Variants in D2HGDH observed in about 807,000 individuals in gnomAD.
The protein encoded by D2HGDH is D-2-hydroxyglutarate dehydrogenase.
A neutral mutation model predicts 46.9 loss-of-function variants in D2HGDH; 31 were observed. The ratio of observed to expected loss-of-function variants is 0.66; its 90% CI spans 0.50 to 0.89. The LOEUF is 0.89. Among genes scored for constraint, D2HGDH ranks in the 40% least tolerant of loss-of-function variants. The probability of loss-of-function intolerance (pLI) is 0.00; values close to 1 mark genes in which losing one functional copy is unlikely to be tolerated. For missense variants in D2HGDH, 698 were observed against 720.8 expected, an observed-to-expected ratio of 0.97 and a Z score of 0.36; for synonymous variants, 364 against 332.6, an observed-to-expected ratio of 1.09 and a Z score of -1.03.
At position 241,742,787 on chromosome 2, in the gene D2HGDH, C is replaced by T. The variant is rs1436848848; in HGVS notation, c.490+213C>T. 6.6e-6 allele frequency among the ~76,000 whole-genome samples: 1 copy of T among 152,226 alleles called. No individual in the cohort carries two copies. The highest frequency in any genetic ancestry group is 1.5e-5 in the Non-Finnish European group (1 of 68,030). ...CTGGTGAGGGCTTGTCATTCTGGTC[C>T]CTTCCGACTCCATCCCGCTCTAGAG... is the stretch of plus-strand genomic sequence containing the variant. On this transcript the variant is annotated intron_variant, in intron 4 of 9. Transcript: ENST00000321264. The surrounding 1 kb of genome is among the most constrained non-coding windows in gnomAD (Gnocchi z 4.8).
chr2:241,755,147 C>T lies in D2HGDH; in HGVS notation c.1141-702C>T, dbSNP rs555525560. On this transcript the variant is annotated intron_variant, in intron 8 of 9. Transcript: ENST00000321264. ...CCGGTTCTGCTTCAGCCACCAGCAC[C>T]GTCTGCTCCTCCTCAGAATCCTTCC... 9.7e-5 allele frequency: 126 copies of T among 1,304,018 alleles called. No individual in the cohort carries two copies. In the African/African-American group the frequency reaches 1.4e-3, roughly 15 times the overall value. The allele number at this position is 1,304,018 out of a possible 1,614,324, so 80.8% of individuals were successfully genotyped here. A position where few individuals can be genotyped will look rare whatever the true frequency, so the allele number is the denominator to read the frequency against.
At chr2:241,754,034 C>T (rs777109798) in intron 8 of D2HGDH, among the ~76,000 whole-genome samples, 2 of 152,186 alleles carry the variant, frequency 1.3e-5, no homozygotes, top group Non-Finnish European at 2.9e-5. Flanking sequence ...ACGTCTGGTG[C>T]AGGAGCACCA....
chr2:241,751,132 T>G lies in D2HGDH; in HGVS notation c.998-114T>G, dbSNP rs1006886119. The G allele has an allele frequency of 4.1e-6, 6 of 1,464,444 alleles. No individual in the cohort carries two copies. The African/African-American group carries it at 8.4e-5, about 20-fold the overall frequency. The allele number at this position is 1,464,444 out of a possible 1,614,324, so 90.7% of individuals were successfully genotyped here. On this transcript the variant is annotated intron_variant, in intron 7 of 9. Transcript: ENST00000321264. ...GTGCTCCGCAGGCTGCCTGGGTCCT[T>G]CTTGGCCACGAAAGATCAGTGGTTG...
chr2:241,749,110 C>T (rs1257231098), intron 6 of D2HGDH: 18 of 938,296 alleles, frequency 1.9e-5, no homozygotes, highest in African/African-American at 7.3e-5. Context: ...GGGCGACTTC[C>T]GACGAGGCAC....
chr2:241,755,521 G>A (rs1157302928), intron 8 of D2HGDH: 73 of 1,367,032 alleles, frequency 5.3e-5, no homozygotes, highest in Non-Finnish European at 6.9e-5. Context: ...CCTTCTGTGA[G>A]GTGTCCCAGC....
chr2:241,736,489 G>A (rs1692862272), intron 2 of D2HGDH, among the ~76,000 whole-genome samples: 1 of 152,104 alleles, frequency 6.6e-6, no homozygotes, highest in Non-Finnish European at 1.5e-5. Flanking sequence ...AGCTCCTGGT[G>A]GCCCCAGGTA....
At chr2:241,764,993 C>CTGGGGGCTCAGTG (rs1489554941) in intron 9 of D2HGDH, among the ~76,000 whole-genome samples, 2 of 152,212 alleles carry the variant, frequency 1.3e-5, no homozygotes, top group African/African-American at 4.8e-5. Context: ...AGCTGCTGCC[C>CTGGGGGCTCAGTG]TGGGGGCTCA....
At position 241,750,406 on chromosome 2, in the gene D2HGDH, T is replaced by TG. The variant is rs1319801451; in HGVS notation, c.997+118dup. On this transcript the variant is annotated intron_variant, in intron 7 of 9. Coordinates refer to ENST00000321264, the MANE Select transcript of D2HGDH (RefSeq NM_152783.5). ...GGCGGGGGGTGCCCGGGCGGGCGGG[T>TG]GGGGGGTCCCTGGGCGGAGCATGGA... 89 of 176,242 alleles carry TG rather than the reference T, an allele frequency of 5.0e-4. 1 individual carries two copies. The East Asian group carries it at 0.01, about 20-fold the overall frequency. 10.9% of individuals were successfully genotyped at this position (176,242 alleles called of 1,614,324 possible). A position where few individuals can be genotyped will look rare whatever the true frequency, so the allele number is the denominator to read the frequency against.
rs1575353269 is a variant in D2HGDH at position 241,768,029 on chromosome 2, G to A, written c.*60G>A. The A allele has an allele frequency of 2.0e-6, 3 of 1,520,498 alleles. No individual in the cohort carries two copies. Among genetic ancestry groups the A allele is most frequent in the African/African-American group, 2.7e-5 (2 of 73,010 alleles). 94.2% of individuals were successfully genotyped at this position (1,520,498 alleles called of 1,614,324 possible). A position where few individuals can be genotyped will look rare whatever the true frequency, so the allele number is the denominator to read the frequency against. ...GTCGGCGGGTGGCTCTCGGGCGGGG[G>A]TGTTGCGGTGGCTCTGAGGGATGAG... is the stretch of plus-strand genomic sequence containing the variant. On this transcript the variant is annotated 3_prime_UTR_variant, in exon 10 of 10. Coordinates refer to ENST00000321264, the MANE Select transcript of D2HGDH (RefSeq NM_152783.5).
In D2HGDH at chr2:241,751,518, T is replaced by G. The variant is rs1281071734; in HGVS notation, c.1140+130T>G. 6 of 1,400,656 alleles carry G rather than the reference T, an allele frequency of 4.3e-6. No homozygotes were observed. The Admixed American group carries it at 1.2e-4, about 28-fold the overall frequency. 86.8% of individuals were successfully genotyped at this position (1,400,656 alleles called of 1,614,324 possible). ...GTGGCTGAAATGTGACTGGGTTTCA[T>G]GGCTTTGAGAGAGTAGCCTCTTTGG... On this transcript the variant is annotated intron_variant, in intron 8 of 9. Transcript: ENST00000321264.
At position 241,758,769 on chromosome 2, in the gene D2HGDH, A is replaced by T. The variant is rs7591060; in HGVS notation, c.1306+2755A>T. ...TATACCGCCCCCCGCCCCACAATAT[A>T]TGTGTGTGTGTGTGTGTGTGTGTGT... On this transcript the variant is annotated intron_variant, in intron 9 of 9. Transcript: ENST00000321264. Among the ~76,000 whole-genome samples the T allele has an allele frequency of 5.3e-5, 7 of 131,970 alleles. No homozygotes were observed. The East Asian group carries it at 9.2e-4, about 17-fold the overall frequency. The allele number at this position is 131,970 out of a possible 152,430, so 86.6% of individuals were successfully genotyped here.
chr2:241,735,515 A>C lies in D2HGDH; in HGVS notation c.291A>C (p.Arg97=). 1 of 1,605,004 alleles carries C rather than the reference A, an allele frequency of 6.2e-7. No individual in the cohort carries two copies. The highest frequency in any genetic ancestry group is 8.5e-7 in the Non-Finnish European group (1 of 1,179,732). Residue 97 remains arginine (R), a splice_region_variant and synonymous_variant, in exon 2 of 10, where the codon CGA becomes CGC. Transcript: ENST00000321264. ...ACGTGGACTGGTTGCGGACGCTGCG[A>C]GGTGGGTGAGGCTTGGGAAGCTGCG... ...APNVDWLRTL[R]GCSKVLLRPR... is the part of the protein sequence containing the mutation.
rs149519095 is a variant in D2HGDH at position 241,767,731 on chromosome 2, A to G, written c.1328A>G (p.Asn443Ser). ...CCAGGAGATGGTAACCTGCACCTCAATGTGACGGCGGAGGCCTTCAGCCCC... is the reference window on the plus strand; with the variant it reads ...CCAGGAGATGGTAACCTGCACCTCAGTGTGACGGCGGAGGCCTTCAGCCCC... The part of the protein sequence containing the change: ...GHLGDGNLHL[N>S]VTAEAFSPSL... Residue 443 changes from asparagine (N) to serine (S), a missense_variant, in exon 10 of 10, where the codon AAT becomes AGT. Coordinates refer to ENST00000321264, the MANE Select transcript of D2HGDH (RefSeq NM_152783.5). 2.5e-5 allele frequency: 41 copies of G among 1,612,896 alleles called. No homozygotes were observed. Among genetic ancestry groups the G allele is most frequent in the African/African-American group, 2.3e-4 (17 of 74,938 alleles).
chr2:241,758,359 T>G (rs982881697), intron 9 of D2HGDH, among the ~76,000 whole-genome samples: 3 of 152,236 alleles, frequency 2.0e-5, no homozygotes, highest in African/African-American at 7.2e-5. Context: ...CTTCAATAGC[T>G]TTAGGACTTT....
At chr2:241,761,605 A>G (rs2125170155) in intron 9 of D2HGDH, among the ~76,000 whole-genome samples, 1 of 152,302 alleles carries the variant, frequency 6.6e-6, no homozygotes, top group Middle Eastern at 3.4e-3. Flanking sequence ...TTCCTGTCAG[A>G]GACTCGAGCA....
At chr2:241,757,730 G>T (rs1698322451) in intron 9 of D2HGDH, among the ~76,000 whole-genome samples, 1 of 152,178 alleles carries the variant, frequency 6.6e-6, no homozygotes, top group East Asian at 1.9e-4. Context: ...GGCTGAGGCG[G>T]GTGGATCACC....
In D2HGDH at chr2:241,751,298, C is replaced by T. The variant is rs748635429; in HGVS notation, c.1050C>T (p.Asp350=). The change falls in exon 8 of 10, where the codon GAC becomes GAT. Residue 350 remains aspartate (D), a synonymous_variant. Coordinates refer to ENST00000321264, the MANE Select transcript of D2HGDH (RefSeq NM_152783.5). The part of the protein sequence containing the change: ...IETSGSNAGH[D]AEKLGHFLEH... ...CTTCAGGCTCCAACGCAGGCCATGA[C>T]GCTGAGAAGCTGGGCCACTTCCTGG... The T allele has an allele frequency of 1.4e-5, 22 of 1,613,894 alleles. No individual in the cohort carries two copies. Among genetic ancestry groups the T allele is most frequent in the East Asian group, 1.1e-4 (5 of 44,900 alleles).
rs576116975 is a variant in D2HGDH, at chr2:241,755,842, C to T, written c.1141-7C>T. On this transcript the variant is annotated splice_region_variant and splice_polypyrimidine_tract_variant and intron_variant, in intron 8 of 9. Transcript: ENST00000321264. ...CAGCCCTTGTCTCATCTCGTCTCAT[C>T]CTCTAGATGCTGTGGGCCCTGAGGG... is the stretch of plus-strand genomic sequence containing the variant. 5.6e-6 allele frequency: 9 copies of T among 1,611,710 alleles called. No individual in the cohort carries two copies. The South Asian group carries it at 8.8e-5, about 16-fold the overall frequency.
chr2:241,755,638 C>T lies in D2HGDH; in HGVS notation c.1141-211C>T, dbSNP rs111603175. On this transcript the variant is annotated intron_variant, in intron 8 of 9. Coordinates refer to ENST00000321264, the MANE Select transcript of D2HGDH (RefSeq NM_152783.5). ...GGAGCCACACCTGGTCTGGGGCATT[C>T]GCTGTCCTGGGTCAGAGCCCCTCCT... The T allele has an allele frequency of 1.1e-4, 163 of 1,531,172 alleles. No individual in the cohort carries two copies. The African/African-American group carries it at 1.2e-3, about 11-fold the overall frequency. The allele number at this position is 1,531,172 out of a possible 1,614,324, so 94.8% of individuals were successfully genotyped here. A position where few individuals can be genotyped will look rare whatever the true frequency, so the allele number is the denominator to read the frequency against.
Sources: allele counts gnomAD v4.1 joint callset (sites outside exome capture counted in the v4.1 genomes callset), GRCh38; gene constraint gnomAD v4.1.1; non-coding constraint Gnocchi (gnomAD v3.1); transcripts MANE v1.5; gene names NCBI Gene and HGNC (gene_info 2026-07-23, HGNC 2026-07-21).